RREB1: variants seen among roughly 807,000 people sequenced by gnomAD.
RREB1 encodes ras responsive element binding protein 1.
In RREB1, 27 loss-of-function variants were observed where a neutral mutation model predicts 117.8. That is an observed-to-expected ratio of 0.23 (90% confidence interval 0.17 to 0.32). The LOEUF is 0.32. RREB1 is among the 10% of genes least tolerant of loss of function. The pLI is 1.00. For synonymous variants in RREB1, 1,298 were observed against 1,026.7 expected (o/e 1.26, Z -5.05); for missense variants, 2,577 against 2,378.2 (o/e 1.08, Z -1.74).
chr6:7,205,836 A>G (rs1406152760), intron 6 of RREB1, among the ~76,000 whole-genome samples: 1 of 152,240 alleles, frequency 6.6e-6, no homozygotes, highest in Non-Finnish European at 1.5e-5. Context: ...TTAGAAAGCA[A>G]ATGATTACAC....
At chr6:7,243,206 C>T (rs1339088992) in intron 11 of RREB1, among the ~76,000 whole-genome samples, 1 of 152,212 alleles carries the variant, frequency 6.6e-6, no homozygotes, top group Non-Finnish European at 1.5e-5. Flanking sequence ...GCAAAGGCAC[C>T]CCTGCCAGGT....
chr6:7,158,669 T>TTC (rs796921943), intron 1 of RREB1, among the ~76,000 whole-genome samples: 24 of 152,336 alleles, frequency 1.6e-4, no homozygotes, highest in African/African-American at 5.3e-4. Flanking sequence ...TTCCCAAGCT[T>TTC]TCTTTTACCT....
At chr6:7,114,350 A>T (rs1761283920) in intron 1 of RREB1, among the ~76,000 whole-genome samples, 1 of 152,144 alleles carries the variant, frequency 6.6e-6, no homozygotes, top group South Asian at 2.1e-4. Context: ...GATGAGTTTT[A>T]AGGAAAAAGC....
In RREB1 at chr6:7,247,069, C is replaced by T. The variant is rs772132195; in HGVS notation, c.4619C>T (p.Ser1540Phe). The change falls in exon 12 of 13, where the codon TCC (serine) becomes TTC (phenylalanine). Residue 1540 changes from serine to phenylalanine, a missense_variant. Transcript: ENST00000379938. ...SDGESAAEKRSSEKSDDDKKP... is the reference protein window; with the variant it reads ...SDGESAAEKRFSEKSDDDKKP... ...GGGGAGAGCGCGGCCGAGAAAAGGT[C>T]CTCAGAGAAGAGCGACGATGACAAG... is the stretch of plus-strand genomic sequence containing the variant. The T allele has an allele frequency of 1.2e-5, 19 of 1,613,492 alleles. No individual in the cohort carries two copies. The highest frequency in any genetic ancestry group is 2.7e-5 in the African/African-American group (2 of 74,910).
At chr6:7,119,611 A>G (rs900011066) in intron 1 of RREB1, among the ~76,000 whole-genome samples, 7 of 152,192 alleles carry the variant, frequency 4.6e-5, no homozygotes, top group African/African-American at 1.2e-4. Flanking sequence ...TGAGAAAAGC[A>G]CAGTGTTTGG....
intron 1 of RREB1, among the ~76,000 whole-genome samples, chr6:7,117,060 G>C (rs1033638591): frequency 2.0e-5 from 3 of 152,108 alleles, no homozygotes; most frequent in Admixed American, 1.3e-4. Flanking sequence ...ATTACTCGTA[G>C]GATTCAAAAC....
In RREB1 at chr6:7,189,284, G is replaced by T; in HGVS notation, c.387G>T (p.Val129=). The stretch of plus-strand genomic sequence containing the variant: ...GCGAGAGGCCTTACAAGTGCACTGT[G>T]TGTGGCCAGTCATTTACCACCAATG... ...HSGERPYKCT[V]CGQSFTTNGN... Residue 129 remains valine (V), a synonymous_variant, in exon 6 of 13, where the codon GTG becomes GTT. Coordinates refer to ENST00000379938, the MANE Select transcript of RREB1 (RefSeq NM_001003699.4). 2 of 1,601,590 alleles carry T rather than the reference G, an allele frequency of 1.2e-6. No homozygotes were observed. Among genetic ancestry groups the T allele is most frequent in the Non-Finnish European group, 1.7e-6 (2 of 1,173,428 alleles).
At position 7,231,514 on chromosome 6, in the gene RREB1, G is replaced by C; in HGVS notation, c.3415G>C (p.Ala1139Pro). 2 of 1,609,312 alleles carry C rather than the reference G, an allele frequency of 1.2e-6. No homozygotes were observed. Residue 1139 changes from alanine (A) to proline (P), a missense_variant, in exon 10 of 13, where the codon GCC (alanine) becomes CCC (proline). Coordinates refer to ENST00000379938, the MANE Select transcript of RREB1 (RefSeq NM_001003699.4). ...PPAPASSPEA[A>P]SPTEQGPAGT... ...CGCTCCAGCCAGCAGCCCAGAGGCT[G>C]CCTCTCCCACCGAGCAGGGCCCAGC...
At chr6:7,140,091 G>T (rs1047782957) in intron 1 of RREB1, among the ~76,000 whole-genome samples, 8 of 152,298 alleles carry the variant, frequency 5.3e-5, no homozygotes, top group Non-Finnish European at 5.9e-5. Flanking sequence ...TAATTATTGA[G>T]AATTTAGGGG....
rs115949069 is a variant in RREB1, at chr6:7,159,297, C to T, written c.-284-17358C>T. On this transcript the variant is annotated intron_variant, in intron 1 of 12. Coordinates refer to ENST00000379938, the MANE Select transcript of RREB1 (RefSeq NM_001003699.4). ...CACAGGAGGACTTCTTTACAGAAAACCTCCCCAGCATCTTTGATGGCCTAG... is the reference window on the plus strand; with the variant it reads ...CACAGGAGGACTTCTTTACAGAAAATCTCCCCAGCATCTTTGATGGCCTAG... Among the ~76,000 whole-genome samples, 1,382 of 152,230 alleles carry T rather than the reference C, an allele frequency of 9.1e-3. 6 individuals carry two copies. Among genetic ancestry groups the T allele is most frequent in the Middle Eastern group, 0.024 (7 of 294 alleles).
intron 2 of RREB1, among the ~76,000 whole-genome samples, chr6:7,177,218 CAAAAAAAAAAAA>C (rs552706086): frequency 2.9e-5 from 1 of 34,926 alleles, no homozygotes; most frequent in Admixed American, 3.2e-4. Context: ...GACTGTCTCA[CAAAAAAAAAAAA>C]AAAAAAAAAA....
At chr6:7,144,626 T>C (rs956457823) in intron 1 of RREB1, among the ~76,000 whole-genome samples, 12 of 151,096 alleles carry the variant, frequency 7.9e-5, no homozygotes, top group Middle Eastern at 3.4e-3. Context: ...TTTTTTTTTT[T>C]CACAAATTAT....
chr6:7,155,027 G>A (rs758714576), intron 1 of RREB1, among the ~76,000 whole-genome samples: 5 of 152,114 alleles, frequency 3.3e-5, no homozygotes, highest in Non-Finnish European at 7.4e-5. Flanking sequence ...AATAGAACGG[G>A]GTTGTTAGGG....
Position 7,250,952 on chromosome 6 carries a change from C to T in RREB1, c.*1984C>T, listed in dbSNP as rs1769381998. 6.6e-6 allele frequency: 1 copy of T among 152,094 alleles called. No individual in the cohort carries two copies. The highest frequency in any genetic ancestry group is 6.5e-5 in the Admixed American group (1 of 15,276). 9.4% of individuals were successfully genotyped at this position (152,094 alleles called of 1,614,324 possible). A position where few individuals can be genotyped will look rare whatever the true frequency, so the allele number is the denominator to read the frequency against. ...CCTACTTAGTTAAAACCAGTTCATA[C>T]ATCCCTTAGGGTTTTTATTATTATT... On this transcript the variant is annotated 3_prime_UTR_variant, in exon 13 of 13. Transcript: ENST00000379938.
Position 7,230,434 on chromosome 6 carries a change from G to T in RREB1, c.2335G>T (p.Gly779Cys). The change falls in exon 10 of 13, where the codon GGC becomes TGC. Residue 779 changes from glycine (G) to cysteine (C), a missense_variant. Gly to Cys is a radical substitution (Grantham distance 159). Coordinates refer to ENST00000379938, the MANE Select transcript of RREB1 (RefSeq NM_001003699.4). ...CCACATGCGCACGCACTGCGGCCGC[G>T]GCCTGGGCGGGGGCCACAAGGGCCG... is the stretch of plus-strand genomic sequence containing the variant. The part of the protein sequence containing the change: ...RIHMRTHCGR[G>C]LGGGHKGRKP... The T allele has an allele frequency of 6.3e-7, 1 of 1,591,216 alleles. No individual in the cohort carries two copies.
chr6:7,246,710 C>A lies in RREB1; in HGVS notation c.4260C>A (p.Phe1420Leu). The A allele has an allele frequency of 6.3e-7, 1 of 1,584,284 alleles. No homozygotes were observed. Residue 1420 changes from phenylalanine to leucine, a missense_variant, in exon 12 of 13, where the codon TTC becomes TTA. Physicochemically the swap from Phe to Leu is conservative, Grantham distance 22. Transcript: ENST00000379938. ...ASSNQSLDLDFATKLMDFKLA... is the reference protein window; with the variant it reads ...ASSNQSLDLDLATKLMDFKLA... ...GCAACCAGAGCCTGGACCTGGACTT[C>A]GCCACCAAGCTCATGGACTTCAAGC...
chr6:7,243,122 C>T (rs1768815883), intron 11 of RREB1, among the ~76,000 whole-genome samples: 1 of 152,222 alleles, frequency 6.6e-6, no homozygotes, highest in Admixed American at 6.5e-5. Context: ...CACATGTCAG[C>T]ATGGACTACA....
At chr6:7,154,051 C>T (rs1250577241) in intron 1 of RREB1, among the ~76,000 whole-genome samples, 1 of 152,190 alleles carries the variant, frequency 6.6e-6, no homozygotes, top group East Asian at 1.9e-4. Context: ...TGCCTGACCA[C>T]AAAGGTATAC....
intron 8 of RREB1, among the ~76,000 whole-genome samples, chr6:7,223,181 C>T (rs529159991): frequency 1.3e-5 from 2 of 149,698 alleles, no homozygotes; most frequent in Admixed American, 6.7e-5. Flanking sequence ...CACTTGCGCC[C>T]AGGAGTTCAA....
Sources: allele counts gnomAD v4.1 joint callset (sites outside exome capture counted in the v4.1 genomes callset), GRCh38; gene constraint gnomAD v4.1.1; transcripts MANE v1.5; gene names NCBI Gene and HGNC (gene_info 2026-07-23, HGNC 2026-07-21).